Variants in TENM4 observed in about 807,000 individuals in gnomAD.
The protein encoded by TENM4 is teneurin transmembrane protein 4.
TENM4 carries 82 observed loss-of-function variants against 243.3 expected under a neutral mutation model. The observed-to-expected ratio is 0.34, with a 90% confidence interval of 0.28 to 0.40. The LOEUF (loss-of-function observed/expected upper bound fraction) is 0.40, where lower values mean the gene tolerates loss of function less well. Ranked by LOEUF, TENM4 falls within the 10% of genes least tolerant of loss-of-function variation. The pLI, the probability that TENM4 is intolerant of heterozygous loss-of-function variation, is 1.00. For missense variants in TENM4, 3,138 were observed against 3,673.3 expected, an observed-to-expected ratio of 0.85 and a Z score of 3.77; for synonymous variants, 1,412 against 1,456.3, an observed-to-expected ratio of 0.97 and a Z score of 0.69.
At chr11:78,794,667 G>A (rs1306509783) in intron 15 of TENM4, among the ~76,000 whole-genome samples, 2 of 152,208 alleles carry the variant, frequency 1.3e-5, no homozygotes, top group African/African-American at 4.8e-5. Context: ...TGGAATAAAG[G>A]CACAGAGACC....
chr11:79,342,298 G>A (rs569150539), intron 1 of TENM4, among the ~76,000 whole-genome samples: 7 of 152,168 alleles, frequency 4.6e-5, no homozygotes, highest in African/African-American at 9.7e-5. Flanking sequence ...TGCATGGACC[G>A]CGATGAGATG....
intron 4 of TENM4, among the ~76,000 whole-genome samples, chr11:79,146,425 A>G (rs139064465): frequency 3.3e-5 from 5 of 152,216 alleles, no homozygotes; most frequent in Admixed American, 6.5e-5. Context: ...TGCCAGCCCC[A>G]TGGCCCAGAC....
chr11:78,857,140 G>A (rs1295590008), intron 10 of TENM4, among the ~76,000 whole-genome samples: 2 of 152,188 alleles, frequency 1.3e-5, no homozygotes, highest in Non-Finnish European at 2.9e-5. Context: ...AGAAGGAACA[G>A]GAGAGACTCT....
At chr11:79,342,567 C>A (rs1163038609) in intron 1 of TENM4, among the ~76,000 whole-genome samples, 3 of 152,166 alleles carry the variant, frequency 2.0e-5, no homozygotes, top group Admixed American at 6.5e-5. Context: ...GGGCTCCAAA[C>A]CCATCATCTA....
intron 6 of TENM4, among the ~76,000 whole-genome samples, chr11:78,996,354 G>A (rs1858172139): frequency 6.6e-6 from 1 of 152,154 alleles, no homozygotes; most frequent in African/African-American, 2.4e-5. Flanking sequence ...AGACAGCGGT[G>A]CCAGCCTTCC....
chr11:78,732,422 C>G lies in TENM4; in HGVS notation c.3032G>C (p.Cys1011Ser). Residue 1011 changes from cysteine (C) to serine (S), a missense_variant, in exon 21 of 34, where the codon TGT (cysteine) becomes TCT (serine). Physicochemically the swap from Cys to Ser is moderately radical, Grantham distance 112. This residue lies in a region of TENM4 where 2,467 missense variants were observed against 3,059.1 expected (regional missense o/e 0.81). Coordinates refer to ENST00000278550, the MANE Select transcript of TENM4 (RefSeq NM_001098816.3). ...MRHEENEIPSCDLSNFARPNP... is the reference protein window; with the variant it reads ...MRHEENEIPSSDLSNFARPNP... ...GGGGCGGGCAAAATTGCTCAGGTCA[C>G]AGCTGGGAATCTCATTCTCCTCATG... 1 of 1,613,946 alleles carries G rather than the reference C, an allele frequency of 6.2e-7. No homozygotes were observed. The highest frequency in any genetic ancestry group is 8.5e-7 in the Non-Finnish European group (1 of 1,179,874).
At chr11:78,990,169 C>T (rs1858008160) in intron 6 of TENM4, among the ~76,000 whole-genome samples, 1 of 151,930 alleles carries the variant, frequency 6.6e-6, no homozygotes, top group Non-Finnish European at 1.5e-5. Flanking sequence ...GTTAGAGGTA[C>T]AGGAGTCACT....
intron 18 of TENM4, among the ~76,000 whole-genome samples, chr11:78,767,216 C>A (rs1297026592): frequency 6.6e-6 from 1 of 152,202 alleles, no homozygotes; most frequent in African/African-American, 2.4e-5. Context: ...GTTTCTGCGA[C>A]CGGCCAGCTG....
At chr11:79,115,425 T>C (rs556874021) in intron 4 of TENM4, among the ~76,000 whole-genome samples, 2 of 152,340 alleles carry the variant, frequency 1.3e-5, no homozygotes, top group Non-Finnish European at 2.9e-5. Context: ...TCTCTTTCCA[T>C]TCCCACTACC....
At chr11:79,283,419 C>T (rs546529267) in intron 2 of TENM4, among the ~76,000 whole-genome samples, 7 of 152,156 alleles carry the variant, frequency 4.6e-5, no homozygotes, top group African/African-American at 1.7e-4. Flanking sequence ...CATACAAAAA[C>T]CAATCAATGT....
chr11:79,179,190 C>A (rs1307857836), intron 3 of TENM4, among the ~76,000 whole-genome samples: 1 of 152,228 alleles, frequency 6.6e-6, no homozygotes, highest in Non-Finnish European at 1.5e-5. Context: ...CCAACTACCT[C>A]ACAACGTTTG....
At chr11:79,370,035 A>G (rs536849915) in intron 1 of TENM4, among the ~76,000 whole-genome samples, 1 of 152,204 alleles carries the variant, frequency 6.6e-6, no homozygotes, top group Non-Finnish European at 1.5e-5. Context: ...CTGTTTCCTC[A>G]TCAGTAAGAA....
intron 1 of TENM4, among the ~76,000 whole-genome samples, chr11:79,420,840 G>A (rs1858916510): frequency 2.6e-5 from 4 of 152,202 alleles, no homozygotes. Flanking sequence ...AGTCACTCCA[G>A]AGTCAGATAA....
intron 4 of TENM4, among the ~76,000 whole-genome samples, chr11:79,085,765 AT>A (rs1345935108): frequency 6.6e-6 from 1 of 151,968 alleles, no homozygotes; most frequent in East Asian, 1.9e-4. Flanking sequence ...AAGGTTGAAA[AT>A]TGAAGTCAGA....
At position 78,843,724 on chromosome 11, in the gene TENM4, C is replaced by A. The variant is rs147089659; in HGVS notation, c.1681+10380G>T. Among the ~76,000 whole-genome samples the A allele has an allele frequency of 4.4e-3, 665 of 152,248 alleles. 3 individuals are homozygous for A. Among genetic ancestry groups the A allele is most frequent in the Middle Eastern group, 0.037 (11 of 294 alleles). On this transcript the variant is annotated intron_variant, in intron 12 of 33. Coordinates refer to ENST00000278550, the MANE Select transcript of TENM4 (RefSeq NM_001098816.3). ...ATAAAAGTTAGTGCTTTGGAATGTT[C>A]TGGAACTCACATTTCCATTTTTGAG... is the stretch of plus-strand genomic sequence containing the variant.
chr11:79,299,365 T>C (rs7944160), intron 1 of TENM4, among the ~76,000 whole-genome samples: 2,258 of 152,330 alleles, frequency 0.015, 57 homozygotes, highest in African/African-American at 0.051. Flanking sequence ...TCTGCTTGCC[T>C]GCTTCTAACC....
chr11:78,903,678 T>C (rs973648613), intron 6 of TENM4, 155 bp from the exon 7 acceptor site: 20 of 1,236,584 alleles, frequency 1.6e-5, no homozygotes, highest in Admixed American at 1.5e-4. Context: ...CAGTTGTTTA[T>C]TGAGCACCTA....
intron 6 of TENM4, among the ~76,000 whole-genome samples, chr11:79,053,716 T>C (rs980475917): frequency 9.9e-5 from 15 of 152,164 alleles, no homozygotes; most frequent in Middle Eastern, 3.2e-3. Flanking sequence ...GGTCTGGTCA[T>C]CCCTAAGGGC....
chr11:78,883,882 C>G (rs927646211), intron 9 of TENM4, among the ~76,000 whole-genome samples: 1 of 152,216 alleles, frequency 6.6e-6, no homozygotes, highest in African/African-American at 2.4e-5. Flanking sequence ...TGACAGGTCC[C>G]CCTGGTTGTT....
Sources: gnomAD v4.1 joint callset for allele counts (sites outside exome capture counted in the v4.1 genomes callset) on GRCh38, gnomAD v4.1.1 for gene constraint, gnomAD v4.1.1 regional missense constraint, MANE v1.5 for transcripts, NCBI Gene and HGNC (gene_info 2026-07-23, HGNC 2026-07-21) for gene names.